RELCH: variants seen among roughly 807,000 people sequenced by gnomAD.
RELCH encodes RAB11-binding protein RELCH.
In RELCH, 41 loss-of-function variants were observed where a neutral mutation model predicts 150.3. That is an observed-to-expected ratio of 0.27 (90% confidence interval 0.21 to 0.35). RELCH has a LOEUF of 0.35. Ranked by LOEUF, RELCH falls within the 10% of genes least tolerant of loss-of-function variation. The pLI is 1.00. For synonymous variants in RELCH, 478 were observed against 531.8 expected (o/e 0.90, Z 1.39); for missense variants, 1,092 against 1,467.8 (o/e 0.74, Z 4.18).
chr18:62,265,692 T>C (rs2043519269), intron 18 of RELCH, among the ~76,000 whole-genome samples: 1 of 152,020 alleles, frequency 6.6e-6, no homozygotes, highest in Non-Finnish European at 1.5e-5. Flanking sequence ...TCCTATTATC[T>C]GTTGACTAAT....
At chr18:62,275,659 A>T (rs2044169822) in intron 22 of RELCH, 186 bp downstream of exon 22, 1 of 426,928 alleles carries the variant, frequency 2.3e-6, no homozygotes, top group Non-Finnish European at 4.1e-6. Flanking sequence ...TAACATATTT[A>T]AAAATGTTTT....
chr18:62,244,187 A>G (rs1022251781), intron 10 of RELCH, among the ~76,000 whole-genome samples: 3 of 152,282 alleles, frequency 2.0e-5, no homozygotes, highest in African/African-American at 7.2e-5. Context: ...AAAACAAAAT[A>G]TTGTTAAAAT....
intron 22 of RELCH, among the ~76,000 whole-genome samples, chr18:62,276,244 G>C (rs2044201621): frequency 6.6e-6 from 1 of 152,036 alleles, no homozygotes; most frequent in Non-Finnish European, 1.5e-5. Context: ...CTGCTACCTA[G>C]TGACTTTGTA....
rs374276196 is a variant in RELCH, at chr18:62,187,500, G to T, written c.-6G>T. The T allele has an allele frequency of 6.6e-7, 1 of 1,513,894 alleles. No homozygotes were observed. The highest frequency in any genetic ancestry group is 8.8e-7 in the Non-Finnish European group (1 of 1,132,088). 93.8% of individuals were successfully genotyped at this position (1,513,894 alleles called of 1,614,324 possible). On this transcript the variant is annotated 5_prime_UTR_variant, in exon 1 of 29. Coordinates refer to ENST00000644646, the MANE Select transcript of RELCH (RefSeq NM_001346231.2). ...AGGGAGGCGCCCACACTCCTGACAG[G>T]ATAAGATGGCGGCGATGGCGCCTGG... is the stretch of plus-strand genomic sequence containing the variant.
chr18:62,220,864 T>C, intron 2 of RELCH, 173 bp from the exon 3 acceptor site: 1 of 634,412 alleles, frequency 1.6e-6, no homozygotes, highest in Non-Finnish European at 2.8e-6. Context: ...CCAGTTTGCT[T>C]GCAAATCAAC....
intron 12 of RELCH, 144 bp downstream of exon 12, chr18:62,252,898 A>G: frequency 1.6e-6 from 1 of 643,022 alleles, no homozygotes; most frequent in South Asian, 2.0e-5. Flanking sequence ...GTGATTTATT[A>G]GTACTTACGA....
intron 15 of RELCH, among the ~76,000 whole-genome samples, chr18:62,260,998 C>A (rs1040450279): frequency 6.6e-6 from 1 of 151,740 alleles, no homozygotes. Flanking sequence ...CCATAGTTAA[C>A]AATAATGTGT....
intron 1 of RELCH, among the ~76,000 whole-genome samples, chr18:62,208,615 G>A (rs1225775941): frequency 6.6e-6 from 1 of 152,086 alleles, no homozygotes; most frequent in Non-Finnish European, 1.5e-5. Context: ...CAGGTACTAA[G>A]CCTAGTACCC....
intron 24 of RELCH, among the ~76,000 whole-genome samples, chr18:62,281,576 T>C (rs1343863775): frequency 6.6e-6 from 1 of 152,212 alleles, no homozygotes; most frequent in Admixed American, 6.5e-5. Context: ...CTTCTCAAAA[T>C]TGATATCAGA....
chr18:62,192,591 C>T (rs904627541), intron 1 of RELCH, among the ~76,000 whole-genome samples: 6 of 152,124 alleles, frequency 3.9e-5, no homozygotes, highest in African/African-American at 9.7e-5. Flanking sequence ...AGTCCAGTGT[C>T]GATTTTCTGC....
chr18:62,234,664 A>G (rs2148449804), intron 10 of RELCH, among the ~76,000 whole-genome samples: 1 of 152,078 alleles, frequency 6.6e-6, no homozygotes, highest in African/African-American at 2.4e-5. Context: ...AATGTAAAAA[A>G]AATGTACAAT....
At chr18:62,196,965 A>G (rs2039091159) in intron 1 of RELCH, among the ~76,000 whole-genome samples, 1 of 152,194 alleles carries the variant, frequency 6.6e-6, no homozygotes, top group Non-Finnish European at 1.5e-5. Flanking sequence ...GCCTGTGGGG[A>G]AAGTAAAAGT....
chr18:62,209,236 C>T (rs770316927), intron 1 of RELCH, among the ~76,000 whole-genome samples: 3 of 152,092 alleles, frequency 2.0e-5, no homozygotes, highest in South Asian at 2.1e-4. Flanking sequence ...AACCCAAGGC[C>T]ATGATGATTT....
intron 15 of RELCH, 126 bp from the exon 16 acceptor site, chr18:62,261,381 CTTGT>C (rs1330375380): frequency 7.3e-6 from 5 of 684,890 alleles, no homozygotes; most frequent in South Asian, 4.6e-5. Flanking sequence ...TGCCTTACTG[CTTGT>C]TTGAGTCCAA....
chr18:62,221,521 A>G, intron 5 of RELCH, 24 bp downstream of exon 5: 1 of 1,178,332 alleles, frequency 8.5e-7, no homozygotes, highest in African/African-American at 1.6e-5. Flanking sequence ...TTGTTTTTAC[A>G]GTGATTTTTT....
At chr18:62,274,157 T>C (rs1416398381) in intron 21 of RELCH, 71 bp downstream of exon 21, 14 of 959,208 alleles carry the variant, frequency 1.5e-5, no homozygotes, top group Non-Finnish European at 2.3e-5. Flanking sequence ...AGAGTACATA[T>C]TTTAAGTCTA....
chr18:62,293,907 T>G (rs2045279538), intron 27 of RELCH, among the ~76,000 whole-genome samples: 1 of 152,192 alleles, frequency 6.6e-6, no homozygotes, highest in Admixed American at 6.5e-5. Flanking sequence ...CACATATTTA[T>G]TTATCCCTAA....
At chr18:62,270,039 T>C (rs2043805832) in intron 20 of RELCH, among the ~76,000 whole-genome samples, 1 of 152,198 alleles carries the variant, frequency 6.6e-6, no homozygotes, top group Non-Finnish European at 1.5e-5. Context: ...CACTCAGCTT[T>C]CTCCTCTTCT....
chr18:62,242,527 C>T (rs1464858630), intron 10 of RELCH, among the ~76,000 whole-genome samples: 3 of 152,128 alleles, frequency 2.0e-5, no homozygotes, highest in Admixed American at 2.0e-4. Context: ...ACGTGTTTCA[C>T]TTGAAGAAAC....
Sources: allele counts gnomAD v4.1 joint callset (sites outside exome capture counted in the v4.1 genomes callset), GRCh38; gene constraint gnomAD v4.1.1; transcripts MANE v1.5; gene names NCBI Gene and HGNC (gene_info 2026-07-23, HGNC 2026-07-21).